TRAM2: variants seen among roughly 807,000 people sequenced by gnomAD.
TRAM2 encodes the protein translocation associated membrane protein 2, also known as translocating chain-associated membrane protein 2.
TRAM2 carries 12 observed loss-of-function variants against 51.0 expected under a neutral mutation model. The observed-to-expected ratio is 0.24, with a 90% CI of 0.15 to 0.38. The LOEUF (loss-of-function observed/expected upper bound fraction) is 0.38, where lower values mean the gene tolerates loss of function less well. Ranked by LOEUF, TRAM2 falls within the 10% of genes least tolerant of loss-of-function variation. The pLI is 1.00. For synonymous variants in TRAM2, 175 were observed against 179.4 expected, an observed-to-expected ratio of 0.98 and a Z score of 0.20; for missense variants, 361 against 462.0, an observed-to-expected ratio of 0.78 and a Z score of 2.00.
intron 1 of TRAM2, among the ~76,000 whole-genome samples, chr6:52,543,895 GGACC>G (rs1767149168): frequency 6.6e-6 from 1 of 152,182 alleles, no homozygotes; most frequent in Admixed American, 6.5e-5. Context: ...CAGGGTAGCT[GGACC>G]AGGCAGGACC....
At chr6:52,531,728 C>T (rs1321634246) in intron 2 of TRAM2, among the ~76,000 whole-genome samples, 3 of 152,212 alleles carry the variant, frequency 2.0e-5, no homozygotes, top group Non-Finnish European at 4.4e-5. Flanking sequence ...CAACACAACC[C>T]CCACACTCAG....
At chr6:52,557,296 GAC>G (rs1210572801) in intron 1 of TRAM2, among the ~76,000 whole-genome samples, 5 of 152,146 alleles carry the variant, frequency 3.3e-5, no homozygotes, top group Admixed American at 6.5e-5. Flanking sequence ...GCTGCTTAAT[GAC>G]AGAGACAATA....
chr6:52,556,266 T>G (rs1482815353), intron 1 of TRAM2, among the ~76,000 whole-genome samples: 1 of 135,090 alleles, frequency 7.4e-6, no homozygotes, highest in Non-Finnish European at 1.6e-5. Context: ...ACTCAATCTG[T>G]ACTTTTTGTT....
chr6:52,559,533 T>C (rs938328888), intron 1 of TRAM2, among the ~76,000 whole-genome samples: 2 of 152,320 alleles, frequency 1.3e-5, no homozygotes, highest in South Asian at 2.1e-4. Flanking sequence ...CACAGGCTGA[T>C]TGTGGGGGCT....
chr6:52,529,116 C>T (rs901922181), intron 2 of TRAM2, among the ~76,000 whole-genome samples: 2 of 152,112 alleles, frequency 1.3e-5, no homozygotes, highest in African/African-American at 4.8e-5. Context: ...TGGTCTCGAT[C>T]TCCTGACCTC....
At chr6:52,516,866 G>C in intron 2 of TRAM2, 129 bp from the exon 3 acceptor site, 1 of 708,926 alleles carries the variant, frequency 1.4e-6, no homozygotes, top group South Asian at 1.7e-5. Flanking sequence ...CTCAGACTCA[G>C]AAGAAGGTTT....
At chr6:52,543,015 T>A (rs1166491887) in intron 1 of TRAM2, among the ~76,000 whole-genome samples, 2 of 152,368 alleles carry the variant, frequency 1.3e-5, no homozygotes, top group Non-Finnish European at 2.9e-5. Context: ...AAGTTAATTA[T>A]AACTTTAAGA....
chr6:52,561,827 C>G (rs1008680437), intron 1 of TRAM2, among the ~76,000 whole-genome samples: 2 of 151,810 alleles, frequency 1.3e-5, no homozygotes, highest in African/African-American at 4.8e-5. Flanking sequence ...AGGCTGGTCT[C>G]GAACTCCCAA....
At chr6:52,515,900 G>A in intron 4 of TRAM2, 106 bp downstream of exon 4, 2 of 962,452 alleles carry the variant, frequency 2.1e-6, no homozygotes, top group East Asian at 4.8e-5. Flanking sequence ...AACAGAAAAA[G>A]AAAAAGAGCA....
intron 2 of TRAM2, chr6:52,522,817 T>C: frequency 1.5e-6 from 1 of 679,738 alleles, no homozygotes; most frequent in Non-Finnish European, 2.7e-6. Context: ...TTTTGGGGAG[T>C]CACATTCTGC....
intron 1 of TRAM2, among the ~76,000 whole-genome samples, chr6:52,556,364 T>C (rs528681565): frequency 1.3e-5 from 2 of 151,614 alleles, no homozygotes; most frequent in East Asian, 3.9e-4. Context: ...CACTGAAACC[T>C]ACACCTCCCG....
chr6:52,573,394 T>C (rs1475163004), intron 1 of TRAM2, among the ~76,000 whole-genome samples: 1 of 152,172 alleles, frequency 6.6e-6, no homozygotes, highest in Non-Finnish European at 1.5e-5. Context: ...AAACTCCCCC[T>C]GTGCCACCTC....
At chr6:52,533,292 A>T (rs140056119) in intron 2 of TRAM2, among the ~76,000 whole-genome samples, 44 of 152,396 alleles carry the variant, frequency 2.9e-4, no homozygotes, top group Non-Finnish European at 5.4e-4. Flanking sequence ...ACTAAAAAAT[A>T]AATCAGTAAA....
At position 52,525,735 on chromosome 6, in the gene TRAM2, G is replaced by A. The variant is rs945422369; in HGVS notation, c.185-8998C>T. Among the ~76,000 whole-genome samples the A allele has an allele frequency of 4.6e-5, 7 of 152,342 alleles. No individual in the cohort carries two copies. In the East Asian group the frequency reaches 1.4e-3, roughly 29 times the overall value. On this transcript the variant is annotated intron_variant, in intron 2 of 10. Transcript: ENST00000182527. ...AAGCAGGAGAATAACTTGAACCCAG[G>A]AGGTGGAGGTTGCAGTGAGCCGAGA...
At chr6:52,537,918 G>T (rs1422142623) in intron 1 of TRAM2, among the ~76,000 whole-genome samples, 1 of 152,052 alleles carries the variant, frequency 6.6e-6, no homozygotes, top group East Asian at 1.9e-4. Context: ...TACCATCAAC[G>T]GCCTTCTCTG....
At chr6:52,527,883 A>G (rs185533468) in intron 2 of TRAM2, among the ~76,000 whole-genome samples, 7 of 151,916 alleles carry the variant, frequency 4.6e-5, no homozygotes, top group Middle Eastern at 6.8e-3. Context: ...TAGTTATTGG[A>G]AAAAAAAATC....
chr6:52,542,728 A>T (rs530091748), intron 1 of TRAM2, among the ~76,000 whole-genome samples: 1 of 152,314 alleles, frequency 6.6e-6, no homozygotes, highest in African/African-American at 2.4e-5. Flanking sequence ...TTGTGTATTT[A>T]TGAAAAAAAC....
In TRAM2 at chr6:52,541,803, G is replaced by GTTTTTTTTTTTTTTTTTT. The variant is rs56919932; in HGVS notation, c.121-5958_121-5957insAAAAAAAAAAAAAAAAAA. ...TAAATCCTTTGGTTCAGTTTATTCT[G>GTTTTTTTTTTTTTTTTTT]TTTTTTTTTTTTTTGGCAGACACAT... On this transcript the variant is annotated intron_variant, in intron 1 of 10. Coordinates refer to ENST00000182527, the MANE Select transcript of TRAM2 (RefSeq NM_012288.4). Among the ~76,000 whole-genome samples, 51 of 138,708 alleles carry GTTTTTTTTTTTTTTTTTT rather than the reference G, an allele frequency of 3.7e-4. 2 individuals are homozygous for GTTTTTTTTTTTTTTTTTT. The highest frequency in any genetic ancestry group is 9.4e-4 in the South Asian group (4 of 4,248). 91.0% of individuals were successfully genotyped at this position (138,708 alleles called of 152,430 possible). A position where few individuals can be genotyped will look rare whatever the true frequency, so the allele number is the denominator to read the frequency against.
chr6:52,562,297 A>G (rs1004838243), intron 1 of TRAM2, among the ~76,000 whole-genome samples: 14 of 152,318 alleles, frequency 9.2e-5, no homozygotes, highest in African/African-American at 3.1e-4. Context: ...GAACCATGAT[A>G]AGGGAAGCAC....
Sources: allele counts gnomAD v4.1 joint callset (sites outside exome capture counted in the v4.1 genomes callset), GRCh38; gene constraint gnomAD v4.1.1; transcripts MANE v1.5; gene names NCBI Gene and HGNC (gene_info 2026-07-23, HGNC 2026-07-21).